The following TRPC7 variants were observed in gnomAD, a reference collection of about 807,000 sequenced individuals.
TRPC7 encodes transient receptor potential cation channel subfamily C member 7.
In TRPC7, 42 loss-of-function variants were observed where a neutral mutation model predicts 90.1. The observed-to-expected ratio is 0.47, with a 90% CI of 0.36 to 0.60. The LOEUF is 0.60. TRPC7 is among the 20% of genes least tolerant of loss of function. The pLI, the probability that TRPC7 is intolerant of heterozygous loss-of-function variation, is 0.00. For synonymous variants in TRPC7, 451 were observed against 436.3 expected (o/e 1.03, Z -0.42); for missense variants, 955 against 1,112.3 (o/e 0.86, Z 2.01).
intron 3 of TRPC7, among the ~76,000 whole-genome samples, chr5:136,306,046 G>T (rs979162285): frequency 6.6e-6 from 1 of 152,076 alleles, no homozygotes; most frequent in Non-Finnish European, 1.5e-5. Flanking sequence ...ACTATTTTCT[G>T]TCTAGTCATA....
At chr5:136,269,344 G>C (rs1757130494) in intron 4 of TRPC7, among the ~76,000 whole-genome samples, 1 of 152,146 alleles carries the variant, frequency 6.6e-6, no homozygotes, top group South Asian at 2.1e-4. Context: ...CCCTGAATTG[G>C]CTCCAAGAAA....
rs775364077 is a variant in TRPC7 at position 136,292,056 on chromosome 5, G to A, written c.964-17219C>T. 9.1e-3 allele frequency among the ~76,000 whole-genome samples: 1,388 copies of A among 152,186 alleles called. 10 individuals carry two copies. Among genetic ancestry groups the A allele is most frequent in the Non-Finnish European group, 0.015 (1,001 of 68,022 alleles). On this transcript the variant is annotated intron_variant, in intron 3 of 11. Transcript: ENST00000513104. Reference sequence around the variant, plus strand: ...CCTGAATGACTACTGGGTACATAACGAAATGAAGGCAGAAATAAAGAGGTT... The same window carrying A: ...CCTGAATGACTACTGGGTACATAACAAAATGAAGGCAGAAATAAAGAGGTT...
At chr5:136,229,928 G>A (rs1030867784) in intron 8 of TRPC7, among the ~76,000 whole-genome samples, 1 of 152,126 alleles carries the variant, frequency 6.6e-6, no homozygotes, top group Non-Finnish European at 1.5e-5. Flanking sequence ...TCTTCTCTAT[G>A]TTTGCATTTG....
intron 2 of TRPC7, among the ~76,000 whole-genome samples, chr5:136,350,066 A>G (rs1760141204): frequency 6.6e-6 from 1 of 152,190 alleles, no homozygotes; most frequent in Non-Finnish European, 1.5e-5. Context: ...CCAGGTGTGT[A>G]GTGAGCTGTA....
intron 7 of TRPC7, 94 bp from the exon 8 acceptor site, chr5:136,231,643 T>G (rs1755820671): frequency 8.1e-7 from 1 of 1,229,892 alleles, no homozygotes; most frequent in Non-Finnish European, 1.1e-6. Flanking sequence ...CTCACTCTGT[T>G]GCCTAGGCTG....
intron 3 of TRPC7, among the ~76,000 whole-genome samples, chr5:136,314,585 C>A (rs1246400816): frequency 6.6e-6 from 1 of 152,102 alleles, no homozygotes; most frequent in Non-Finnish European, 1.5e-5. Flanking sequence ...AGTAAAAGGG[C>A]AGGAAGATTT....
At chr5:136,346,773 T>C (rs1173645743) in intron 2 of TRPC7, among the ~76,000 whole-genome samples, 1 of 152,210 alleles carries the variant, frequency 6.6e-6, no homozygotes, top group Non-Finnish European at 1.5e-5. Context: ...CCTGGATTCC[T>C]GGTCTCAGCC....
intron 3 of TRPC7, among the ~76,000 whole-genome samples, chr5:136,290,380 G>A (rs1376404111): frequency 6.6e-6 from 1 of 152,164 alleles, no homozygotes; most frequent in East Asian, 1.9e-4. Context: ...TGGCAAAGAA[G>A]TTAAAACTTT....
At chr5:136,299,263 T>G (rs1758289543) in intron 3 of TRPC7, among the ~76,000 whole-genome samples, 1 of 149,748 alleles carries the variant, frequency 6.7e-6, no homozygotes. Flanking sequence ...ATCACACCAT[T>G]GCACTTCAGC....
At chr5:136,225,036 G>C in intron 10 of TRPC7, among the ~76,000 whole-genome samples, 1 of 152,186 alleles carries the variant, frequency 6.6e-6, no homozygotes, top group East Asian at 1.9e-4. Context: ...GTGTTGACTT[G>C]TTTATTGTCC....
At chr5:136,323,088 T>C (rs1759246284) in intron 2 of TRPC7, among the ~76,000 whole-genome samples, 1 of 152,218 alleles carries the variant, frequency 6.6e-6, no homozygotes, top group Non-Finnish European at 1.5e-5. Context: ...AATTGAATCA[T>C]GGGGCGGTTT....
intron 3 of TRPC7, among the ~76,000 whole-genome samples, chr5:136,290,029 C>A (rs1470646127): frequency 6.6e-6 from 1 of 152,188 alleles, no homozygotes; most frequent in East Asian, 1.9e-4. Flanking sequence ...CCCAGGCAAA[C>A]AGGGTCTGGA....
chr5:136,228,029 G>A (rs1471148893), intron 8 of TRPC7, among the ~76,000 whole-genome samples: 2 of 152,066 alleles, frequency 1.3e-5, no homozygotes, highest in Non-Finnish European at 2.9e-5. Context: ...CCCTGGGCAT[G>A]ACGATCCATG....
At chr5:136,244,611 C>A (rs1205884247) in intron 7 of TRPC7, among the ~76,000 whole-genome samples, 1 of 152,230 alleles carries the variant, frequency 6.6e-6, no homozygotes, top group African/African-American at 2.4e-5. Flanking sequence ...GCTAGAAACA[C>A]AGGAGGGACA....
In TRPC7 at chr5:136,222,734, C is replaced by T. The variant is rs545012798; in HGVS notation, c.2343+2540G>A. Among the ~76,000 whole-genome samples, 9 of 152,212 alleles carry T rather than the reference C, an allele frequency of 5.9e-5. No individual in the cohort carries two copies. In the South Asian group the frequency reaches 6.2e-4, roughly 11 times the overall value. ...TGAGGAGGGTGCTGGTGCAAAACTA[C>T]GAAGATAAATAATAGGCAGGTGTCC... On this transcript the variant is annotated intron_variant, in intron 10 of 11. Coordinates refer to ENST00000513104, the MANE Select transcript of TRPC7 (RefSeq NM_020389.3).
In TRPC7 at chr5:136,271,708, T is replaced by C. The variant is rs1757217683; in HGVS notation, c.1128+2965A>G. On this transcript the variant is annotated intron_variant, in intron 4 of 11. Transcript: ENST00000513104. ...AAATGATAAACAGAATCACTGTTCT[T>C]TCTCTTGACCCAGATGAACCTGTCC... is the stretch of plus-strand genomic sequence containing the variant. Among the ~76,000 whole-genome samples, 10 of 152,316 alleles carry C rather than the reference T, an allele frequency of 6.6e-5. No homozygotes were observed. In the South Asian group the frequency reaches 2.1e-3, roughly 32 times the overall value.
intron 7 of TRPC7, among the ~76,000 whole-genome samples, chr5:136,245,759 A>T (rs1490356167): frequency 1.6e-4 from 25 of 152,170 alleles, no homozygotes; most frequent in Admixed American, 1.6e-3. Context: ...CAGGACATGG[A>T]CTGGAAACAC....
intron 8 of TRPC7, among the ~76,000 whole-genome samples, chr5:136,228,780 C>A (rs1214381160): frequency 2.0e-5 from 3 of 152,148 alleles, no homozygotes; most frequent in African/African-American, 4.8e-5. Context: ...ATCATGAACG[C>A]CTGGCATTTT....
Position 136,274,785 on chromosome 5 carries a change from T to C in TRPC7, c.1016A>G (p.Asn339Ser), listed in dbSNP as rs1374548234. 1 of 1,597,638 alleles carries C rather than the reference T, an allele frequency of 6.3e-7. No homozygotes were observed. Among genetic ancestry groups the C allele is most frequent in the South Asian group, 1.1e-5 (1 of 88,322 alleles). Residue 339 changes from asparagine (N) to serine (S), a missense_variant, in exon 4 of 12, where the codon AAT (asparagine) becomes AGT (serine). Coordinates refer to ENST00000513104, the MANE Select transcript of TRPC7 (RefSeq NM_020389.3). ...AGACTGTTGACGTAAGCCTGAGAGA[T>C]TTTCATACCACATGGTAAGCAATTG... ...QQQLLTMWYE[N>S]LSGLRQQSIA...
Sources: gnomAD v4.1 joint callset for allele counts (sites outside exome capture counted in the v4.1 genomes callset) on GRCh38, gnomAD v4.1.1 for gene constraint, MANE v1.5 for transcripts, NCBI Gene and HGNC (gene_info 2026-07-23, HGNC 2026-07-21) for gene names.